Variants in PIK3CD observed in about 807,000 individuals in gnomAD.
The protein encoded by PIK3CD is phosphatidylinositol 4,5-bisphosphate 3-kinase catalytic subunit delta isoform.
Under a neutral mutation model 122.9 loss-of-function variants are expected in PIK3CD, and 20 were observed. The observed-to-expected ratio is 0.16, with a 90% CI of 0.11 to 0.24. The LOEUF is 0.24. Ranked by LOEUF, PIK3CD falls within the 10% of genes least tolerant of loss-of-function variation. The probability of loss-of-function intolerance (pLI) is 1.00; values close to 1 mark genes in which losing one functional copy is unlikely to be tolerated. For synonymous variants in PIK3CD, 596 were observed against 593.4 expected (o/e 1.00, Z -0.06); for missense variants, 787 against 1,406.3 (o/e 0.56, Z 7.04).
intron 1 of PIK3CD, among the ~76,000 whole-genome samples, chr1:9,664,236 A>G (rs909428061): frequency 5.3e-5 from 8 of 151,940 alleles, no homozygotes; most frequent in Admixed American, 5.3e-4. Flanking sequence ...TTTAGTAGAG[A>G]CAGGGTTTCA....
chr1:9,659,810 C>T (rs1164970772), intron 1 of PIK3CD, among the ~76,000 whole-genome samples: 1 of 152,116 alleles, frequency 6.6e-6, no homozygotes, highest in Non-Finnish European at 1.5e-5. Flanking sequence ...AGTGCAGTGG[C>T]ATGATCTCAG....
intron 23 of PIK3CD, among the ~76,000 whole-genome samples, chr1:9,725,273 G>T (rs1359832807): frequency 1.3e-5 from 2 of 152,224 alleles, no homozygotes; most frequent in East Asian, 3.8e-4. Context: ...ATATTTTTTG[G>T]CCAGGCTGGG....
rs1298172810 is a variant in PIK3CD at position 9,711,946 on chromosome 1, G to T, written c.141+1350G>T. 2.6e-5 allele frequency among the ~76,000 whole-genome samples: 4 copies of T among 151,924 alleles called. No individual in the cohort carries two copies. In the East Asian group the frequency reaches 7.8e-4, roughly 29 times the overall value. On this transcript the variant is annotated intron_variant, in intron 3 of 23. Coordinates refer to ENST00000377346, the MANE Select transcript of PIK3CD (RefSeq NM_005026.5). ...GAGTCCCGCTCTGTCGCCCAGGCTGGAGTGCAGTGGCGCCATCTCGGCTCG... is the reference window on the plus strand; with the variant it reads ...GAGTCCCGCTCTGTCGCCCAGGCTGTAGTGCAGTGGCGCCATCTCGGCTCG...
intron 3 of PIK3CD, among the ~76,000 whole-genome samples, chr1:9,713,554 A>G (rs927323079): frequency 6.6e-6 from 1 of 151,994 alleles, no homozygotes; most frequent in Admixed American, 6.6e-5. Context: ...TTAACGGTAT[A>G]ACATTTTATT....
At chr1:9,649,677 T>C (rs4529711), upstream of PIK3CD, among the ~76,000 whole-genome samples, 75,414 of 152,080 alleles carry the variant, frequency 0.5, 21,327 homozygotes, top group East Asian at 0.86. Context: ...GCTGCTTTAC[T>C]TCCCAGGCTG....
chr1:9,657,794 T>G (rs1209755482), intron 1 of PIK3CD, among the ~76,000 whole-genome samples: 1 of 152,104 alleles, frequency 6.6e-6, no homozygotes, highest in Non-Finnish European at 1.5e-5. Flanking sequence ...AGGGCTCAGA[T>G]GGTGACACAG....
In PIK3CD at chr1:9,719,897, C is replaced by G; in HGVS notation, c.1243-24C>G. 2 of 1,605,192 alleles carry G rather than the reference C, an allele frequency of 1.2e-6. No homozygotes were observed. Among genetic ancestry groups the G allele is most frequent in the Non-Finnish European group, 1.7e-6 (2 of 1,172,558 alleles). On this transcript the variant is annotated intron_variant, in intron 9 of 23. Transcript: ENST00000377346. The surrounding 1 kb of genome is among the most constrained non-coding windows in gnomAD (Gnocchi z 5.5). ...GTCTGGAGGCCCCTGAGTGGCTGTC[C>G]TCACCTGCCCTGTCCTTCTGCAGGA...
intron 2 of PIK3CD, among the ~76,000 whole-genome samples, chr1:9,705,712 A>G (rs1343557146): frequency 6.6e-6 from 1 of 152,244 alleles, no homozygotes; most frequent in Non-Finnish European, 1.5e-5. Context: ...TAAGTAGGCT[A>G]TTTGTAGAAA....
At chr1:9,650,032 T>C (rs1052756537), upstream of PIK3CD, among the ~76,000 whole-genome samples, 1 of 152,176 alleles carries the variant, frequency 6.6e-6, no homozygotes, top group African/African-American at 2.4e-5. Flanking sequence ...CTAAGACCTA[T>C]GCATGGGAAT....
chr1:9,654,076 A>C (rs781733461), intron 1 of PIK3CD: 1 of 1,184,376 alleles, frequency 8.4e-7, no homozygotes. Flanking sequence ...ATCTCTGAGA[A>C]ACATAATACA....
chr1:9,715,485 C>T lies in PIK3CD; in HGVS notation c.142-56C>T. 6.6e-7 allele frequency: 1 copy of T among 1,523,118 alleles called. No homozygotes were observed. Among genetic ancestry groups the T allele is most frequent in the East Asian group, 2.3e-5 (1 of 44,012 alleles). 94.4% of individuals were successfully genotyped at this position (1,523,118 alleles called of 1,614,324 possible). ...CCAGCTCTCCACCCTCCCTCAGCCT[C>T]CCACCTCCCAGTGGCTGCCTTGGGT... On this transcript the variant is annotated intron_variant, in intron 3 of 23. Coordinates refer to ENST00000377346, the MANE Select transcript of PIK3CD (RefSeq NM_005026.5). This position sits in a 1 kb window ranked among gnomAD's most constrained non-coding sequence, Gnocchi z 4.1.
upstream of PIK3CD, among the ~76,000 whole-genome samples, chr1:9,648,700 A>G (rs2100651594): frequency 6.6e-6 from 1 of 152,336 alleles, no homozygotes; most frequent in Middle Eastern, 3.4e-3. Flanking sequence ...ACTAGTGTGC[A>G]TTCCTGGGGA....
chr1:9,666,225 G>GTTTTT (rs1394550198), intron 1 of PIK3CD, among the ~76,000 whole-genome samples: 1 of 97,408 alleles, frequency 1.0e-5, no homozygotes. Context: ...ACCGCGCCCG[G>GTTTTT]TCTTTTTTTT....
At chr1:9,684,688 C>T (rs1345859860) in intron 1 of PIK3CD, among the ~76,000 whole-genome samples, 1 of 151,506 alleles carries the variant, frequency 6.6e-6, no homozygotes, top group Non-Finnish European at 1.5e-5. Context: ...GACCTCAAGA[C>T]CTCATCGCTA....
intron 1 of PIK3CD, chr1:9,688,434 G>T (rs1178628993): frequency 6.6e-6 from 1 of 152,272 alleles, no homozygotes; most frequent in Non-Finnish European, 1.5e-5. Flanking sequence ...TGCCCAAGAG[G>T]CTGTGCAGAC....
In PIK3CD at chr1:9,718,924, C is replaced by T; in HGVS notation, c.1242+9C>T. ...AGAAGTCCAAGAAGGCGGTGGGTCC[C>T]AGGGCCGGCTGGGAGGGGTGCAGAC... On this transcript the variant is annotated intron_variant, in intron 9 of 23. Coordinates refer to ENST00000377346, the MANE Select transcript of PIK3CD (RefSeq NM_005026.5). This position sits in a 1 kb window ranked among gnomAD's most constrained non-coding sequence, Gnocchi z 7.2. 6 of 1,611,268 alleles carry T rather than the reference C, an allele frequency of 3.7e-6. No homozygotes were observed. The highest frequency in any genetic ancestry group is 5.1e-6 in the Non-Finnish European group (6 of 1,179,624).
intron 1 of PIK3CD, among the ~76,000 whole-genome samples, chr1:9,677,950 G>A (rs886685162): frequency 3.3e-5 from 5 of 151,796 alleles, no homozygotes; most frequent in Non-Finnish European, 7.4e-5. Context: ...TCAGGAGTTC[G>A]AGACCAGCCC....
At chr1:9,650,451 AAAAC>A (rs1369960197), upstream of PIK3CD, among the ~76,000 whole-genome samples, 3 of 151,712 alleles carry the variant, frequency 2.0e-5, no homozygotes, top group Admixed American at 6.6e-5. Flanking sequence ...AAAACAACAA[AAAAC>A]AAACAAAAAA....
intron 2 of PIK3CD, among the ~76,000 whole-genome samples, chr1:9,705,103 T>A (rs1458952379): frequency 6.6e-6 from 1 of 152,080 alleles, no homozygotes; most frequent in Non-Finnish European, 1.5e-5. Flanking sequence ...AGTAGAGAAG[T>A]CTTTGCTTAA....
Sources: allele counts gnomAD v4.1 joint callset (sites outside exome capture counted in the v4.1 genomes callset), GRCh38; gene constraint gnomAD v4.1.1; non-coding constraint Gnocchi (gnomAD v3.1); transcripts MANE v1.5; gene names NCBI Gene and HGNC (gene_info 2026-07-23, HGNC 2026-07-21).